Variants in PSD3 observed in about 807,000 individuals in gnomAD.
PSD3 encodes pleckstrin and Sec7 domain containing 3, also known as PH and SEC7 domain-containing protein 3.
Under a neutral mutation model 105.5 loss-of-function variants are expected in PSD3, and 49 were observed. The ratio of observed to expected loss-of-function variants is 0.46; its 90% CI spans 0.37 to 0.59. The LOEUF is 0.59. PSD3 is among the 20% of genes least tolerant of loss of function. The pLI is 0.00. For synonymous variants in PSD3, 557 were observed against 457.8 expected, an observed-to-expected ratio of 1.22 and a Z score of -2.77; for missense variants, 1,561 against 1,263.8, an observed-to-expected ratio of 1.24 and a Z score of -3.57.
chr8:18,806,032 C>A (rs1416239259), intron 4 of PSD3, among the ~76,000 whole-genome samples: 1 of 152,144 alleles, frequency 6.6e-6, no homozygotes, highest in African/African-American at 2.4e-5. Flanking sequence ...TGGAGACTAC[C>A]AGGAACAGAA....
intron 1 of PSD3, among the ~76,000 whole-genome samples, chr8:18,948,628 A>G (rs1272974518): frequency 1.3e-5 from 2 of 152,190 alleles, no homozygotes; most frequent in African/African-American, 4.8e-5. Flanking sequence ...GGAAACCTCA[A>G]AAAAGCCTTG....
intron 1 of PSD3, among the ~76,000 whole-genome samples, chr8:19,033,341 G>GAAC (rs1827832781): frequency 6.6e-6 from 1 of 151,940 alleles, no homozygotes; most frequent in African/African-American, 2.4e-5. Flanking sequence ...AGTTCCTCTA[G>GAAC]TAAATGATTG....
intron 8 of PSD3, among the ~76,000 whole-genome samples, chr8:18,789,019 T>G (rs1313313827): frequency 6.6e-6 from 1 of 152,190 alleles, no homozygotes; most frequent in Non-Finnish European, 1.5e-5. Context: ...AGAGCTCATT[T>G]AAGTGCTAAA....
At chr8:18,916,018 C>T (rs922445900) in intron 2 of PSD3, among the ~76,000 whole-genome samples, 5 of 151,904 alleles carry the variant, frequency 3.3e-5, no homozygotes, top group Non-Finnish European at 7.4e-5. Flanking sequence ...ATCGCTTGAA[C>T]CCAGGAGGCG....
intron 1 of PSD3, among the ~76,000 whole-genome samples, chr8:19,083,471 G>A (rs2129478432): frequency 6.6e-6 from 1 of 152,322 alleles, no homozygotes; most frequent in Non-Finnish European, 1.5e-5. Flanking sequence ...GACCTTGGAG[G>A]CCACACAGGG....
chr8:18,724,058 G>A (rs1803176404), intron 9 of PSD3, among the ~76,000 whole-genome samples: 1 of 152,048 alleles, frequency 6.6e-6, no homozygotes, highest in Non-Finnish European at 1.5e-5. Flanking sequence ...ATTCTTTTGA[G>A]GGTTAATGAT....
chr8:18,638,116 C>G (rs1235641353), intron 10 of PSD3, among the ~76,000 whole-genome samples: 1 of 147,298 alleles, frequency 6.8e-6, no homozygotes, highest in African/African-American at 2.5e-5. Context: ...GATCACGCCA[C>G]TGCACTCCAG....
intron 9 of PSD3, among the ~76,000 whole-genome samples, chr8:18,705,326 G>A (rs142149814): frequency 5.9e-5 from 9 of 152,138 alleles, no homozygotes; most frequent in African/African-American, 1.7e-4. Context: ...TCAGTAGTTC[G>A]AGATCAGCCA....
chr8:18,916,084 G>A (rs1445622589), intron 2 of PSD3, among the ~76,000 whole-genome samples: 1 of 151,352 alleles, frequency 6.6e-6, no homozygotes, highest in Admixed American at 6.6e-5. Flanking sequence ...CAAAAAGAGC[G>A]AAACTCCGAC....
chr8:18,955,021 T>C (rs1823477747), intron 1 of PSD3, among the ~76,000 whole-genome samples: 1 of 152,200 alleles, frequency 6.6e-6, no homozygotes, highest in Admixed American at 6.5e-5. Flanking sequence ...AATGTGCTAG[T>C]CAGCTTTCAC....
intron 11 of PSD3, among the ~76,000 whole-genome samples, chr8:18,620,829 G>T (rs769856589): frequency 1.3e-5 from 2 of 152,046 alleles, no homozygotes; most frequent in African/African-American, 4.8e-5. Flanking sequence ...AAACTAGTAC[G>T]GTATTTTTAA....
At chr8:19,071,097 T>C (rs1586692375) in intron 1 of PSD3, among the ~76,000 whole-genome samples, 4 of 152,108 alleles carry the variant, frequency 2.6e-5, no homozygotes, top group South Asian at 4.2e-4. Context: ...TCTTGTACTG[T>C]TGCCCAGGCT....
intron 9 of PSD3, among the ~76,000 whole-genome samples, chr8:18,736,569 T>C (rs1344793857): frequency 6.6e-6 from 1 of 152,038 alleles, no homozygotes; most frequent in African/African-American, 2.4e-5. Context: ...TCACCCAAAA[T>C]CCCCAAGTTC....
chr8:18,949,602 G>A (rs1226309811), intron 1 of PSD3, among the ~76,000 whole-genome samples: 1 of 152,040 alleles, frequency 6.6e-6, no homozygotes, highest in African/African-American at 2.4e-5. Flanking sequence ...TCTGAAGTCA[G>A]GTCACTCAGT....
chr8:18,845,804 G>A (rs1187914632), intron 4 of PSD3, among the ~76,000 whole-genome samples: 1 of 152,146 alleles, frequency 6.6e-6, no homozygotes, highest in Non-Finnish European at 1.5e-5. Flanking sequence ...GCGGAAGAAG[G>A]GAACTCAAAC....
chr8:18,633,405 A>G (rs1807036233), intron 10 of PSD3, among the ~76,000 whole-genome samples: 1 of 152,000 alleles, frequency 6.6e-6, no homozygotes, highest in Admixed American at 6.6e-5. Flanking sequence ...GACAGCTGCT[A>G]CTTTCTCAAC....
chr8:19,077,194 A>G (rs764024267), intron 1 of PSD3, among the ~76,000 whole-genome samples: 1 of 152,214 alleles, frequency 6.6e-6, no homozygotes, highest in Non-Finnish European at 1.5e-5. Flanking sequence ...ACAATCAGTG[A>G]GAACTCAATG....
intron 9 of PSD3, among the ~76,000 whole-genome samples, chr8:18,688,362 G>A (rs773873349): frequency 2.6e-5 from 4 of 152,158 alleles, no homozygotes; most frequent in Non-Finnish European, 5.9e-5. Context: ...CTCTCAAAGT[G>A]CTGGGATTAT....
chr8:18,675,176 G>A (rs1329143584), intron 9 of PSD3, among the ~76,000 whole-genome samples: 1 of 152,118 alleles, frequency 6.6e-6, no homozygotes, highest in African/African-American at 2.4e-5. Flanking sequence ...TATGCTGGGA[G>A]ACCTTAGAAG....
Sources: gnomAD v4.1 joint callset for allele counts (sites outside exome capture counted in the v4.1 genomes callset) on GRCh38, gnomAD v4.1.1 for gene constraint, MANE v1.5 for transcripts, NCBI Gene and HGNC (gene_info 2026-07-23, HGNC 2026-07-21) for gene names.